Variants in AKAP6 observed in about 807,000 individuals in gnomAD.
AKAP6 encodes A-kinase anchoring protein 6, also known as A-kinase anchor protein 6.
A neutral mutation model predicts 188.5 loss-of-function variants in AKAP6; 58 were observed. The observed-to-expected ratio is 0.31, with a 90% CI of 0.25 to 0.38. The LOEUF is 0.38. AKAP6 is among the 10% of genes least tolerant of loss of function. The pLI is 1.00. For missense variants in AKAP6, 2,710 were observed against 2,740.0 expected, an observed-to-expected ratio of 0.99 and a Z score of 0.24; for synonymous variants, 989 against 998.6, an observed-to-expected ratio of 0.99 and a Z score of 0.18.
At chr14:32,825,307 G>T (rs368237280) in intron 13 of AKAP6, among the ~76,000 whole-genome samples, 1 of 152,010 alleles carries the variant, frequency 6.6e-6, no homozygotes, top group Non-Finnish European at 1.5e-5. Context: ...TGTAACTATC[G>T]TCACATTTGC....
intron 9 of AKAP6, among the ~76,000 whole-genome samples, chr14:32,724,184 C>T (rs1012173392): frequency 1.6e-4 from 24 of 151,954 alleles, no homozygotes; most frequent in Admixed American, 2.0e-4. Flanking sequence ...TGATCATTGA[C>T]GTTAGTATAA....
At position 32,424,734 on chromosome 14, in the gene AKAP6, A is replaced by G. The variant is rs1889973154; in HGVS notation, c.-34-8726A>G. 2.0e-5 allele frequency among the ~76,000 whole-genome samples: 3 copies of G among 152,114 alleles called. No individual in the cohort carries two copies. The South Asian group carries it at 6.2e-4, about 32-fold the overall frequency. On this transcript the variant is annotated intron_variant, in intron 1 of 13. Coordinates refer to ENST00000280979, the MANE Select transcript of AKAP6 (RefSeq NM_004274.5). ...TGTCCTCATCATTTAGCTCCCACTT[A>G]TAAGTGAGAACATGCAGTATTTGGT...
At chr14:32,724,996 A>AG in intron 9 of AKAP6, among the ~76,000 whole-genome samples, 3 of 146,434 alleles carry the variant, frequency 2.0e-5, no homozygotes, top group Non-Finnish European at 4.5e-5. Context: ...AACCTAAAAA[A>AG]AAAAAAAAAA....
intron 5 of AKAP6, among the ~76,000 whole-genome samples, chr14:32,591,810 C>T (rs1443498473): frequency 3.3e-5 from 5 of 152,110 alleles, no homozygotes; most frequent in Admixed American, 6.5e-5. Flanking sequence ...ACTGATAAAT[C>T]AATGACAAAT....
chr14:32,777,111 A>C (rs933384695), intron 12 of AKAP6, among the ~76,000 whole-genome samples: 1 of 152,310 alleles, frequency 6.6e-6, no homozygotes, highest in African/African-American at 2.4e-5. Context: ...TAATGGGGCA[A>C]ACTTAGACTA....
chr14:32,678,563 A>G, intron 8 of AKAP6, 104 bp downstream of exon 8: 2 of 1,332,098 alleles, frequency 1.5e-6, no homozygotes. Flanking sequence ...GCAAACCGAC[A>G]AGGAGAAGCT....
chr14:32,814,484 A>T (rs1473693843), intron 12 of AKAP6, among the ~76,000 whole-genome samples: 2 of 152,206 alleles, frequency 1.3e-5, no homozygotes, highest in Admixed American at 6.5e-5. Context: ...GATACTTTAT[A>T]TAAATGGAAT....
intron 9 of AKAP6, among the ~76,000 whole-genome samples, chr14:32,703,349 G>A (rs1890691526): frequency 6.6e-6 from 1 of 152,120 alleles, no homozygotes; most frequent in Non-Finnish European, 1.5e-5. Flanking sequence ...TAGATGATAT[G>A]AATAGGACAC....
At chr14:32,479,216 A>G (rs913426893) in intron 2 of AKAP6, among the ~76,000 whole-genome samples, 5 of 152,194 alleles carry the variant, frequency 3.3e-5, no homozygotes, top group African/African-American at 7.2e-5. Flanking sequence ...AATAAAAATA[A>G]TCAGTGGACC....
intron 2 of AKAP6, among the ~76,000 whole-genome samples, chr14:32,530,174 G>T (rs1882340652): frequency 6.6e-6 from 1 of 151,790 alleles, no homozygotes; most frequent in Non-Finnish European, 1.5e-5. Flanking sequence ...CCACAGGTGT[G>T]TGCCACCACA....
intron 3 of AKAP6, among the ~76,000 whole-genome samples, chr14:32,543,091 A>C (rs1220447220): frequency 6.6e-6 from 1 of 152,176 alleles, no homozygotes; most frequent in African/African-American, 2.4e-5. Context: ...AAAATGTAGA[A>C]TAAATTGCTT....
At chr14:32,617,315 G>A (rs1886620274) in intron 7 of AKAP6, among the ~76,000 whole-genome samples, 1 of 151,826 alleles carries the variant, frequency 6.6e-6, no homozygotes, top group African/African-American at 2.4e-5. Flanking sequence ...CCCATTATCA[G>A]GGTTTATCTC....
At chr14:32,789,376 C>G (rs1233706748) in intron 12 of AKAP6, among the ~76,000 whole-genome samples, 1 of 152,250 alleles carries the variant, frequency 6.6e-6, no homozygotes, top group Non-Finnish European at 1.5e-5. Flanking sequence ...CAAACAGCAG[C>G]CAGACTGCTT....
chr14:32,351,035 G>T (rs7153398), intron 1 of AKAP6, among the ~76,000 whole-genome samples: 44,807 of 151,720 alleles, frequency 0.3, 6,983 homozygotes, highest in East Asian at 0.4. Context: ...TACTAAACCC[G>T]GAATCTCGAA....
intron 1 of AKAP6, among the ~76,000 whole-genome samples, chr14:32,347,484 C>T (rs1887107041): frequency 6.6e-6 from 1 of 152,116 alleles, no homozygotes; most frequent in South Asian, 2.1e-4. Context: ...CTGACTTTGC[C>T]TAGAAATGAA....
intron 1 of AKAP6, among the ~76,000 whole-genome samples, chr14:32,363,285 G>T (rs1291425607): frequency 1.3e-5 from 2 of 152,190 alleles, no homozygotes; most frequent in East Asian, 3.9e-4. Flanking sequence ...GTAGAGGAAG[G>T]TTTCACAGAG....
Position 32,510,462 on chromosome 14 carries a change from GTA to G in AKAP6, c.325-25079_325-25078del, listed in dbSNP as rs764358765. On this transcript the variant is annotated intron_variant, in intron 2 of 13. Coordinates refer to ENST00000280979, the MANE Select transcript of AKAP6 (RefSeq NM_004274.5). ...TGTATATATATATACATATATATGTGTATATATATATATACATATATATATGT... is the reference window on the plus strand; with the variant it reads ...TGTATATATATATACATATATATGTGTATATATATATACATATATATATGT... Among the ~76,000 whole-genome samples the G allele has an allele frequency of 1.4e-3, 96 of 67,434 alleles. 2 individuals carry two copies. Among genetic ancestry groups the G allele is most frequent in the East Asian group, 1.8e-3 (4 of 2,184 alleles). The allele number at this position is 67,434 out of a possible 152,430, so 44.2% of individuals were successfully genotyped here.
intron 12 of AKAP6, among the ~76,000 whole-genome samples, chr14:32,778,447 G>T (rs2140008761): frequency 6.6e-6 from 1 of 152,044 alleles, no homozygotes; most frequent in East Asian, 1.9e-4. Context: ...TATTCTATGT[G>T]AGGTGGTATA....
chr14:32,622,994 G>A (rs1446037626), intron 7 of AKAP6, among the ~76,000 whole-genome samples: 1 of 152,098 alleles, frequency 6.6e-6, no homozygotes, highest in Non-Finnish European at 1.5e-5. Flanking sequence ...TACCAGTGGT[G>A]GTGGTAGTGG....
Sources: allele counts gnomAD v4.1 joint callset (sites outside exome capture counted in the v4.1 genomes callset), GRCh38; gene constraint gnomAD v4.1.1; transcripts MANE v1.5; gene names NCBI Gene and HGNC (gene_info 2026-07-23, HGNC 2026-07-21).